Variants in SCUBE1 observed in about 807,000 individuals in gnomAD.
SCUBE1 encodes signal peptide, CUB domain and EGF like domain containing 1, also known as signal peptide, CUB and EGF-like domain-containing protein 1.
SCUBE1 carries 59 observed loss-of-function variants against 124.4 expected under a neutral mutation model. The ratio of observed to expected loss-of-function variants is 0.47; its 90% CI spans 0.38 to 0.59. The LOEUF (loss-of-function observed/expected upper bound fraction) is 0.59, where lower values mean the gene tolerates loss of function less well. SCUBE1 is among the 20% of genes least tolerant of loss of function. SCUBE1 has a pLI of 0.00. For missense variants in SCUBE1, 1,150 were observed against 1,371.2 expected (o/e 0.84, Z 2.55); for synonymous variants, 545 against 550.9 (o/e 0.99, Z 0.15).
intron 4 of SCUBE1, among the ~76,000 whole-genome samples, chr22:43,284,068 C>T (rs1315820875): frequency 6.6e-6 from 1 of 152,250 alleles, no homozygotes; most frequent in Non-Finnish European, 1.5e-5. Context: ...AGGCTCTTAC[C>T]TGGTCTGTGT....
At chr22:43,322,175 G>A (rs970219968) in intron 2 of SCUBE1, among the ~76,000 whole-genome samples, 2 of 152,012 alleles carry the variant, frequency 1.3e-5, no homozygotes. Flanking sequence ...AATAGAGATG[G>A]GGTTTCACCA....
intron 3 of SCUBE1, among the ~76,000 whole-genome samples, chr22:43,291,651 A>G (rs1361515814): frequency 1.3e-5 from 2 of 152,144 alleles, no homozygotes; most frequent in African/African-American, 4.8e-5. Context: ...GTGCTGTGCT[A>G]TACTGGTACA....
intron 4 of SCUBE1, among the ~76,000 whole-genome samples, chr22:43,286,617 C>T (rs1054603632): frequency 2.0e-5 from 3 of 152,324 alleles, no homozygotes; most frequent in Admixed American, 6.5e-5. Flanking sequence ...GATGAGAAGA[C>T]CAAAGCCATA....
intron 21 of SCUBE1, among the ~76,000 whole-genome samples, chr22:43,206,060 A>C (rs1285223468): frequency 1.7e-5 from 2 of 117,962 alleles, no homozygotes; most frequent in East Asian, 2.8e-4. Flanking sequence ...CACACACCAC[A>C]CACCCTCACC....
rs929531571 is a variant in SCUBE1 at position 43,238,377 on chromosome 22, C to T, written c.844+461G>A. 1.2e-5 allele frequency: 4 copies of T among 328,334 alleles called. No individual in the cohort carries two copies. The East Asian group carries it at 2.4e-4, about 19-fold the overall frequency. The allele number at this position is 328,334 out of a possible 1,614,324, so 20.3% of individuals were successfully genotyped here. A position where few individuals can be genotyped will look rare whatever the true frequency, so the allele number is the denominator to read the frequency against. ...CCTTATTTTTCCTGGCATGAGTAGACCTGTGTGTCCCAGATGGCCCAACAC... is the reference window on the plus strand; with the variant it reads ...CCTTATTTTTCCTGGCATGAGTAGATCTGTGTGTCCCAGATGGCCCAACAC... On this transcript the variant is annotated intron_variant, in intron 7 of 21. Transcript: ENST00000360835.
intron 2 of SCUBE1, among the ~76,000 whole-genome samples, chr22:43,327,529 G>A (rs1926767050): frequency 2.0e-5 from 3 of 152,206 alleles, no homozygotes; most frequent in African/African-American, 4.8e-5. Flanking sequence ...GCTCACGCCT[G>A]TAATCCCAGC....
At chr22:43,342,445 C>T (rs1199484864) in intron 1 of SCUBE1, among the ~76,000 whole-genome samples, 1 of 152,086 alleles carries the variant, frequency 6.6e-6, no homozygotes, top group East Asian at 1.9e-4. Context: ...GTCCCGGTCC[C>T]TCGTCTGCGG....
At chr22:43,305,059 T>C (rs963105462) in intron 3 of SCUBE1, among the ~76,000 whole-genome samples, 1 of 152,170 alleles carries the variant, frequency 6.6e-6, no homozygotes, top group Admixed American at 6.5e-5. Flanking sequence ...TCACCCCCAC[T>C]GCCCGCACTG....
At chr22:43,223,462 C>T (rs1025842545) in intron 10 of SCUBE1, among the ~76,000 whole-genome samples, 1 of 152,168 alleles carries the variant, frequency 6.6e-6, no homozygotes, top group South Asian at 2.1e-4. Context: ...AGGTTCATGT[C>T]CCCATCCCCA....
intron 21 of SCUBE1, among the ~76,000 whole-genome samples, chr22:43,206,860 G>A (rs1056335521): frequency 2.6e-5 from 4 of 152,180 alleles, no homozygotes; most frequent in Non-Finnish European, 5.9e-5. Flanking sequence ...AGCTTGAGGA[G>A]GAAATCAGGA....
At chr22:43,235,905 G>A (rs951154813) in intron 7 of SCUBE1, among the ~76,000 whole-genome samples, 4 of 152,056 alleles carry the variant, frequency 2.6e-5, no homozygotes, top group Non-Finnish European at 4.4e-5. Context: ...GGGCTTAGGC[G>A]CATCTTCCAG....
chr22:43,337,186 T>A (rs944250207), intron 2 of SCUBE1, among the ~76,000 whole-genome samples: 1 of 152,122 alleles, frequency 6.6e-6, no homozygotes, highest in Non-Finnish European at 1.5e-5. Context: ...ACAGAGCCAG[T>A]GAGCAGCAGA....
intron 7 of SCUBE1, chr22:43,238,615 G>T: frequency 1.6e-6 from 1 of 630,684 alleles, no homozygotes; most frequent in Non-Finnish European, 2.9e-6. Context: ...CTGATGTGCC[G>T]TGGGACCTGT....
chr22:43,327,304 A>G (rs976895386), intron 2 of SCUBE1, among the ~76,000 whole-genome samples: 1 of 152,212 alleles, frequency 6.6e-6, no homozygotes, highest in African/African-American at 2.4e-5. Context: ...GCTTGACTTC[A>G]GAGTTAGTGA....
intron 4 of SCUBE1, chr22:43,270,227 G>C (rs139730472): frequency 1.3e-5 from 2 of 152,300 alleles, no homozygotes; most frequent in Admixed American, 1.3e-4. Flanking sequence ...AAACAAATGC[G>C]TTCCATCTTT....
At chr22:43,307,381 G>A (rs1163882791) in intron 3 of SCUBE1, among the ~76,000 whole-genome samples, 1 of 152,258 alleles carries the variant, frequency 6.6e-6, no homozygotes, top group Non-Finnish European at 1.5e-5. Context: ...CACCCTGGAG[G>A]AGGAAAGGGC....
chr22:43,286,041 G>A (rs1361787665), intron 4 of SCUBE1, among the ~76,000 whole-genome samples: 1 of 152,152 alleles, frequency 6.6e-6, no homozygotes, highest in Admixed American at 6.5e-5. Context: ...GCAGAGCCTC[G>A]TTCCAAGAGC....
intron 21 of SCUBE1, among the ~76,000 whole-genome samples, chr22:43,207,194 C>T (rs62232078): frequency 2.6e-5 from 4 of 152,126 alleles, no homozygotes; most frequent in Non-Finnish European, 5.9e-5. Context: ...TGGGTAGATC[C>T]CACTGATTCT....
At chr22:43,218,103 G>A (rs563438727) in intron 15 of SCUBE1, 152 bp downstream of exon 15, 5 of 705,970 alleles carry the variant, frequency 7.1e-6, no homozygotes, top group Admixed American at 2.1e-5. Context: ...TGATGACCAT[G>A]AGGGCTGCAG....
Sources: gnomAD v4.1 joint callset for allele counts (sites outside exome capture counted in the v4.1 genomes callset) on GRCh38, gnomAD v4.1.1 for gene constraint, MANE v1.5 for transcripts, NCBI Gene and HGNC (gene_info 2026-07-23, HGNC 2026-07-21) for gene names.